Variants in NNT observed in about 807,000 individuals in gnomAD.
NNT encodes the protein nicotinamide nucleotide transhydrogenase.
Under a neutral mutation model 104.8 loss-of-function variants are expected in NNT, and 50 were observed. The ratio of observed to expected loss-of-function variants is 0.48; its 90% CI spans 0.38 to 0.60. The LOEUF (loss-of-function observed/expected upper bound fraction) is 0.60. Among genes scored for constraint, NNT ranks in the 20% least tolerant of loss-of-function variants. NNT has a pLI of 0.00. For synonymous variants in NNT, 461 were observed against 490.4 expected (o/e 0.94, Z 0.79); for missense variants, 1,131 against 1,330.7 (o/e 0.85, Z 2.33).
At chr5:43,618,996 G>A (rs756226555) in intron 4 of NNT, 36 bp from the exon 5 acceptor site, 10 of 1,208,316 alleles carry the variant, frequency 8.3e-6, no homozygotes, top group Non-Finnish European at 1.1e-5. Context: ...CTCCTTTTAT[G>A]GAATTATTTA....
At chr5:43,682,787 G>T (rs1741792287) in intron 19 of NNT, among the ~76,000 whole-genome samples, 1 of 152,092 alleles carries the variant, frequency 6.6e-6, no homozygotes, top group African/African-American at 2.4e-5. Flanking sequence ...ACCATTCATT[G>T]AACAAATAAT....
intron 9 of NNT, among the ~76,000 whole-genome samples, 185 bp downstream of exon 9, chr5:43,644,987 A>G (rs1739304774): frequency 6.6e-6 from 1 of 152,240 alleles, no homozygotes; most frequent in Non-Finnish European, 1.5e-5. Context: ...TCAAAGACTT[A>G]AAAGTACATG....
chr5:43,691,273 G>C (rs147581997), intron 19 of NNT, among the ~76,000 whole-genome samples: 1 of 152,120 alleles, frequency 6.6e-6, no homozygotes, highest in Non-Finnish European at 1.5e-5. Context: ...GCTAATTTTT[G>C]TATTTTTTAA....
chr5:43,619,106 T>G lies in NNT; in HGVS notation c.674T>G (p.Val225Gly). The change falls in exon 5 of 22, where the codon GTT becomes GGT. Residue 225 changes from valine to glycine, a missense_variant. Physicochemically the swap from Val to Gly is moderately radical, Grantham distance 109 (BLOSUM62 -3). Coordinates refer to ENST00000344920, the MANE Select transcript of NNT (RefSeq NM_182977.3). Reference protein sequence around the residue: ...FTGQITAAGKVPPAKILIVGG... With the variant: ...FTGQITAAGKGPPAKILIVGG... ...GGTCAGATCACAGCTGCTGGAAAAG[T>G]TCCTCCAGCTAAGGTAGGTACAACT... 6.5e-7 allele frequency: 1 copy of G among 1,548,036 alleles called. No individual in the cohort carries two copies. The highest frequency in any genetic ancestry group is 8.7e-7 in the Non-Finnish European group (1 of 1,144,832).
intron 7 of NNT, among the ~76,000 whole-genome samples, chr5:43,632,720 G>A (rs1266413034): frequency 1.3e-5 from 2 of 152,168 alleles, no homozygotes; most frequent in African/African-American, 4.8e-5. Flanking sequence ...TGACCTTTGG[G>A]GCTACCATTA....
At chr5:43,666,720 TG>T (rs70997427) in intron 17 of NNT, 41,802 of 1,066,188 alleles carry the variant, frequency 0.039, 1,142 homozygotes, top group East Asian at 0.11. Flanking sequence ...GGGACGGGGG[TG>T]GGGGGTCGCA....
At chr5:43,607,051 T>G (rs1749261978) in intron 1 of NNT, among the ~76,000 whole-genome samples, 1 of 151,840 alleles carries the variant, frequency 6.6e-6, no homozygotes, top group Non-Finnish European at 1.5e-5. Flanking sequence ...GCTGGCAGGC[T>G]GGAGTGTAGT....
intron 13 of NNT, among the ~76,000 whole-genome samples, 157 bp from the exon 14 acceptor site, chr5:43,652,861 A>C (rs1251757493): frequency 2.0e-5 from 3 of 152,206 alleles, no homozygotes; most frequent in Non-Finnish European, 4.4e-5. Flanking sequence ...ATGATAGCAA[A>C]TCCAGAAAAA....
intron 17 of NNT, among the ~76,000 whole-genome samples, chr5:43,670,098 G>A (rs1262204113): frequency 1.3e-5 from 2 of 152,128 alleles, no homozygotes; most frequent in Admixed American, 6.5e-5. Context: ...TCTGATGGTA[G>A]TTTGTATTTC....
At chr5:43,605,950 C>A (rs191570407) in intron 1 of NNT, among the ~76,000 whole-genome samples, 5 of 152,250 alleles carry the variant, frequency 3.3e-5, no homozygotes. Context: ...GTAGAAGGAA[C>A]AAATTTTCCA....
At chr5:43,659,497 A>C (rs1740241842) in intron 17 of NNT, 147 bp downstream of exon 17, 1 of 622,110 alleles carries the variant, frequency 1.6e-6, no homozygotes, top group Non-Finnish European at 2.6e-6. Flanking sequence ...TTAGGAGGCC[A>C]AGGCAGGTGG....
intron 17 of NNT, among the ~76,000 whole-genome samples, chr5:43,668,080 T>A (rs1580077877): frequency 6.6e-6 from 1 of 152,356 alleles, no homozygotes; most frequent in Non-Finnish European, 1.5e-5. Flanking sequence ...TTGAGAAGTG[T>A]CTGTTCATAT....
At chr5:43,604,812 C>T (rs1205553748) in intron 1 of NNT, among the ~76,000 whole-genome samples, 1 of 152,118 alleles carries the variant, frequency 6.6e-6, no homozygotes, top group African/African-American at 2.4e-5. Flanking sequence ...GCTGGGACTT[C>T]AGGCTTGCAC....
At chr5:43,661,800 C>T (rs1740381486) in intron 17 of NNT, among the ~76,000 whole-genome samples, 1 of 151,932 alleles carries the variant, frequency 6.6e-6, no homozygotes, top group Admixed American at 6.5e-5. Flanking sequence ...TTTCTTAATC[C>T]AGTCTATCAT....
chr5:43,631,770 A>G (rs184872548), intron 7 of NNT, among the ~76,000 whole-genome samples: 2 of 152,246 alleles, frequency 1.3e-5, no homozygotes, highest in African/African-American at 4.8e-5. Context: ...TACTTTAGTA[A>G]AAGGTCAGAC....
At chr5:43,689,144 G>A (rs1742133209) in intron 19 of NNT, among the ~76,000 whole-genome samples, 1 of 152,190 alleles carries the variant, frequency 6.6e-6, no homozygotes, top group Admixed American at 6.5e-5. Flanking sequence ...TAGTGATATT[G>A]AGCATTTTTC....
chr5:43,707,358 AAT>A lies in NNT; in HGVS notation c.*2957_*2958del, dbSNP rs1743122509. On this transcript the variant is annotated 3_prime_UTR_variant, in exon 22 of 22. Coordinates refer to ENST00000344920, the MANE Select transcript of NNT (RefSeq NM_182977.3). The stretch of plus-strand genomic sequence containing the variant: ...ATTCCACAATGTATATATACTTAAA[AAT>A]ATGTTATACACAATAAATACATACA... The A allele has an allele frequency of 6.6e-6, 1 of 152,182 alleles. No individual in the cohort carries two copies. 9.4% of individuals were successfully genotyped at this position (152,182 alleles called of 1,614,324 possible). A position where few individuals can be genotyped will look rare whatever the true frequency, so the allele number is the denominator to read the frequency against.
In NNT at chr5:43,704,438, A is replaced by C. The variant is rs1163048024; in HGVS notation, c.*34A>C. On this transcript the variant is annotated 3_prime_UTR_variant, in exon 22 of 22. Transcript: ENST00000344920. Reference sequence around the variant, plus strand: ...GATCAAGCTGTTAGCTAATAATGCCACCTCTGCAGTTTTGGGAACAGGCAA... The same window carrying C: ...GATCAAGCTGTTAGCTAATAATGCCCCCTCTGCAGTTTTGGGAACAGGCAA... 1.2e-6 allele frequency: 2 copies of C among 1,610,396 alleles called. No homozygotes were observed. The highest frequency in any genetic ancestry group is 2.2e-5 in the East Asian group (1 of 44,738).
intron 1 of NNT, among the ~76,000 whole-genome samples, chr5:43,604,384 C>G (rs150674872): frequency 2.3e-4 from 35 of 152,252 alleles, no homozygotes; most frequent in African/African-American, 8.2e-4. Context: ...TATTAACAGA[C>G]AGTTTAGGAT....
Sources: allele counts gnomAD v4.1 joint callset (sites outside exome capture counted in the v4.1 genomes callset), GRCh38; gene constraint gnomAD v4.1.1; transcripts MANE v1.5; gene names NCBI Gene and HGNC (gene_info 2026-07-23, HGNC 2026-07-21).